The following THSD7A variants were observed in gnomAD, a reference collection of about 807,000 sequenced individuals.
The protein encoded by THSD7A is thrombospondin type-1 domain-containing protein 7A.
A neutral mutation model predicts 231.3 loss-of-function variants in THSD7A; 96 were observed. The ratio of observed to expected loss-of-function variants is 0.41; its 90% CI spans 0.35 to 0.49. THSD7A has a LOEUF of 0.49. THSD7A is among the 20% of genes least tolerant of loss of function. The pLI is 0.05. For missense variants in THSD7A, 2,290 were observed against 2,070.2 expected, an observed-to-expected ratio of 1.11 and a Z score of -2.06; for synonymous variants, 940 against 743.3, an observed-to-expected ratio of 1.26 and a Z score of -4.30.
At chr7:11,746,651 T>C (rs1196019531) in intron 1 of THSD7A, among the ~76,000 whole-genome samples, 2 of 151,876 alleles carry the variant, frequency 1.3e-5, no homozygotes, top group East Asian at 3.9e-4. Flanking sequence ...CTCATCACCA[T>C]ATACAGAGTA....
chr7:11,545,830 T>A (rs1217080320), intron 4 of THSD7A, among the ~76,000 whole-genome samples: 1 of 152,158 alleles, frequency 6.6e-6, no homozygotes, highest in African/African-American at 2.4e-5. Context: ...CAGAAGAGCA[T>A]GGCCAAAGAT....
At chr7:11,582,696 C>T (rs181392538) in intron 4 of THSD7A, among the ~76,000 whole-genome samples, 141 of 152,296 alleles carry the variant, frequency 9.3e-4, no homozygotes, top group Non-Finnish European at 1.1e-3. Flanking sequence ...TTGCCAGTTA[C>T]TTTCCTCTCA....
At chr7:11,612,383 G>A (rs1255652951) in intron 2 of THSD7A, among the ~76,000 whole-genome samples, 1 of 152,174 alleles carries the variant, frequency 6.6e-6, no homozygotes, top group African/African-American at 2.4e-5. Context: ...AAAGAATGCA[G>A]AAACAGTTCT....
At chr7:11,500,586 G>A in intron 6 of THSD7A, among the ~76,000 whole-genome samples, 1 of 151,952 alleles carries the variant, frequency 6.6e-6, no homozygotes. Flanking sequence ...CAGATATAAT[G>A]ACACTTGTAG....
At chr7:11,410,811 T>A (rs1212380431) in intron 19 of THSD7A, among the ~76,000 whole-genome samples, 2 of 152,062 alleles carry the variant, frequency 1.3e-5, no homozygotes, top group Admixed American at 1.3e-4. Flanking sequence ...TGAAACCACA[T>A]GTGATCAATG....
At chr7:11,579,380 G>C (rs1278745240) in intron 4 of THSD7A, among the ~76,000 whole-genome samples, 6 of 151,846 alleles carry the variant, frequency 4.0e-5, no homozygotes, top group African/African-American at 1.5e-4. Flanking sequence ...CTGAAAAAAT[G>C]CTACTCATTC....
intron 4 of THSD7A, among the ~76,000 whole-genome samples, chr7:11,547,171 G>C (rs1331464683): frequency 6.6e-6 from 1 of 152,132 alleles, no homozygotes; most frequent in Admixed American, 6.5e-5. Context: ...ACATGGAAAT[G>C]AAAGACTGTT....
intron 6 of THSD7A, among the ~76,000 whole-genome samples, chr7:11,514,180 C>T (rs1787933158): frequency 6.6e-6 from 1 of 151,898 alleles, no homozygotes; most frequent in Non-Finnish European, 1.5e-5. Flanking sequence ...TAATACACTC[C>T]CATCTCTTTC....
chr7:11,822,603 T>C (rs1020207102), intron 1 of THSD7A, among the ~76,000 whole-genome samples: 6 of 152,080 alleles, frequency 3.9e-5, no homozygotes, highest in African/African-American at 1.4e-4. Flanking sequence ...GTTCTATTTT[T>C]AGCTCTTTGA....
intron 6 of THSD7A, among the ~76,000 whole-genome samples, chr7:11,533,968 C>G (rs1010062367): frequency 6.6e-6 from 1 of 152,068 alleles, no homozygotes; most frequent in Non-Finnish European, 1.5e-5. Flanking sequence ...GAGTGCTTTT[C>G]CACTCTCTTT....
At chr7:11,541,946 A>AGT (rs1789169172) in intron 5 of THSD7A, among the ~76,000 whole-genome samples, 1 of 151,730 alleles carries the variant, frequency 6.6e-6, no homozygotes, top group Non-Finnish European at 1.5e-5. Context: ...GTGGGAACAG[A>AGT]GAGAGAGATA....
intron 7 of THSD7A, 68 bp downstream of exon 7, chr7:11,481,720 G>T (rs1786431051): frequency 1.4e-6 from 2 of 1,434,850 alleles, no homozygotes; most frequent in African/African-American, 1.4e-5. Flanking sequence ...TCTTTTCCAG[G>T]CTACACAAAA....
chr7:11,684,976 T>A (rs1238879196), intron 1 of THSD7A, among the ~76,000 whole-genome samples: 3 of 151,940 alleles, frequency 2.0e-5, no homozygotes, highest in African/African-American at 7.2e-5. Context: ...CAAATTACAC[T>A]GCAAGGCTAT....
Position 11,541,518 on chromosome 7 carries a change from C to A in THSD7A, c.1723G>T (p.Asp575Tyr), listed in dbSNP as rs944491929. 1.2e-6 allele frequency: 2 copies of A among 1,613,922 alleles called. No individual in the cohort carries two copies. Among genetic ancestry groups the A allele is most frequent in the Admixed American group, 3.3e-5 (2 of 60,006 alleles). The stretch of plus-strand genomic sequence containing the variant: ...TTTCCCAGTCTCACTGCTTTCCAGT[C>A]ATAACAGGCAGGCTCTTCACAGGGA... ...AIPCEEPACYDWKAVRLGNCE... is the reference protein window; with the variant it reads ...AIPCEEPACYYWKAVRLGNCE... Residue 575 changes from aspartate (D) to tyrosine (Y), a missense_variant, in exon 6 of 28, where the codon GAC (aspartate) becomes TAC (tyrosine). Transcript: ENST00000423059.
intron 19 of THSD7A, among the ~76,000 whole-genome samples, chr7:11,410,202 A>C (rs1783732522): frequency 1.3e-5 from 2 of 152,236 alleles, no homozygotes; most frequent in Admixed American, 1.3e-4. Flanking sequence ...TAACTAAACA[A>C]ATTTGTGTTT....
intron 6 of THSD7A, among the ~76,000 whole-genome samples, chr7:11,491,169 A>T (rs1583840630): frequency 6.6e-6 from 1 of 152,176 alleles, no homozygotes; most frequent in South Asian, 2.1e-4. Context: ...GTAATTTTGC[A>T]TTTTTCCTTT....
rs1785004081 is a variant in THSD7A at position 11,447,342 on chromosome 7, G to C, written c.2688C>G (p.Thr896=). 2 of 1,612,492 alleles carry C rather than the reference G, an allele frequency of 1.2e-6. No individual in the cohort carries two copies. Among genetic ancestry groups the C allele is most frequent in the African/African-American group, 2.7e-5 (2 of 74,842 alleles). ...LQYAGPVPAL[T]QACQIPCQDD... The stretch of plus-strand genomic sequence containing the variant: ...CCTGGCAGGGGATCTGGCAGGCCTG[G>C]GTAAGGGCTGGCACAGGGCCTGCAT... Residue 896 remains threonine (T), a synonymous_variant, in exon 12 of 28, where the codon ACC becomes ACG. Coordinates refer to ENST00000423059, the MANE Select transcript of THSD7A (RefSeq NM_015204.3).
intron 6 of THSD7A, among the ~76,000 whole-genome samples, chr7:11,495,964 C>A (rs1311181250): frequency 6.6e-6 from 1 of 151,996 alleles, no homozygotes; most frequent in Non-Finnish European, 1.5e-5. Flanking sequence ...AATAGAGACC[C>A]AAATGGGAGA....
chr7:11,446,394 T>G lies in THSD7A; in HGVS notation c.2801-70A>C. ...TCATTAATTTCACACATCCCTAAAT[T>G]TTCTGCTTTCCTAATTTCTTTTTCT... On this transcript the variant is annotated intron_variant, in intron 12 of 27. Coordinates refer to ENST00000423059, the MANE Select transcript of THSD7A (RefSeq NM_015204.3). The surrounding 1 kb of genome is among the most constrained non-coding windows in gnomAD (Gnocchi z 4.0). 6.7e-7 allele frequency: 1 copy of G among 1,491,590 alleles called. No individual in the cohort carries two copies. The highest frequency in any genetic ancestry group is 9.0e-7 in the Non-Finnish European group (1 of 1,112,984). The allele number at this position is 1,491,590 out of a possible 1,614,324, so 92.4% of individuals were successfully genotyped here.
Sources: gnomAD v4.1 joint callset for allele counts (sites outside exome capture counted in the v4.1 genomes callset) on GRCh38, gnomAD v4.1.1 for gene constraint, Gnocchi (gnomAD v3.1) non-coding constraint, MANE v1.5 for transcripts, NCBI Gene and HGNC (gene_info 2026-07-23, HGNC 2026-07-21) for gene names.